Variants in MED27 observed in about 807,000 individuals in gnomAD.
The protein encoded by MED27 is mediator complex subunit 27.
MED27 carries 30 observed loss-of-function variants against 38.2 expected under a neutral mutation model. That is an observed-to-expected ratio of 0.79 (90% confidence interval 0.59 to 1.07). The LOEUF is 1.07. Among genes scored for constraint, MED27 ranks in the 50% least tolerant of loss-of-function variants. MED27 has a pLI of 0.00. For synonymous variants in MED27, 122 were observed against 153.5 expected, an observed-to-expected ratio of 0.79 and a Z score of 1.52; for missense variants, 289 against 397.5, an observed-to-expected ratio of 0.73 and a Z score of 2.32.
chr9:131,867,880 G>A (rs1169330101), intron 6 of MED27, among the ~76,000 whole-genome samples: 1 of 152,242 alleles, frequency 6.6e-6, no homozygotes, highest in Non-Finnish European at 1.5e-5. Context: ...CTGACTCCCA[G>A]GGGTGCCCAC....
At chr9:131,865,411 G>C (rs1838720643) in intron 6 of MED27, among the ~76,000 whole-genome samples, 1 of 152,182 alleles carries the variant, frequency 6.6e-6, no homozygotes, top group Non-Finnish European at 1.5e-5. Flanking sequence ...TTGAACGCTT[G>C]GTTCTTGCCC....
Position 131,913,261 on chromosome 9 carries a change from T to C in MED27, c.574-19269A>G, listed in dbSNP as rs1015124318. On this transcript the variant is annotated intron_variant, in intron 4 of 7. Transcript: ENST00000292035. The surrounding 1 kb of genome is among the most constrained non-coding windows in gnomAD (Gnocchi z 4.5). ...ATCTCTGTGACCTTTTCATGGATAG[T>C]AGCAGAGGTTGATAAAGAAAGACCA... Among the ~76,000 whole-genome samples the C allele has an allele frequency of 2.0e-5, 3 of 152,232 alleles. No individual in the cohort carries two copies. The highest frequency in any genetic ancestry group is 7.2e-5 in the African/African-American group (3 of 41,466).
At chr9:132,075,552 T>C (rs745425557) in intron 2 of MED27, among the ~76,000 whole-genome samples, 1 of 152,186 alleles carries the variant, frequency 6.6e-6, no homozygotes, top group Non-Finnish European at 1.5e-5. Context: ...TTTTCCACTG[T>C]GGGGCAAGGG....
chr9:131,986,072 G>T (rs1273358822), intron 3 of MED27, among the ~76,000 whole-genome samples: 1 of 152,094 alleles, frequency 6.6e-6, no homozygotes, highest in Non-Finnish European at 1.5e-5. Flanking sequence ...TTGTTTTAAG[G>T]TAAACGTCAT....
chr9:131,939,269 A>G (rs1401304572), intron 4 of MED27, 112 bp downstream of exon 4: 1 of 567,376 alleles, frequency 1.8e-6, no homozygotes, highest in African/African-American at 1.9e-5. Flanking sequence ...ATTCACTATC[A>G]AATTGGAATT....
intron 6 of MED27, among the ~76,000 whole-genome samples, chr9:131,875,793 T>G (rs570937505): frequency 4.6e-5 from 7 of 152,314 alleles, no homozygotes; most frequent in African/African-American, 9.6e-5. Flanking sequence ...TTTATTTTTT[T>G]GGGGAGATGG....
rs900672672 is a variant in MED27, at chr9:131,989,707, T to C, written c.479+24630A>G. Among the ~76,000 whole-genome samples, 4 of 152,114 alleles carry C rather than the reference T, an allele frequency of 2.6e-5. No homozygotes were observed. The East Asian group carries it at 5.8e-4, about 22-fold the overall frequency. On this transcript the variant is annotated intron_variant, in intron 3 of 7. Coordinates refer to ENST00000292035, the MANE Select transcript of MED27 (RefSeq NM_004269.4). ...GTAGAGAGAACCATACAATAAACTT[T>C]TGTGAGCCAGCTCCAGCAATTATCC...
At chr9:132,010,938 G>A (rs896884750) in intron 3 of MED27, among the ~76,000 whole-genome samples, 5 of 152,124 alleles carry the variant, frequency 3.3e-5, no homozygotes, top group Non-Finnish European at 4.4e-5. Flanking sequence ...TGTAAATGAC[G>A]AGTTAATGGG....
rs1462453347 is a variant in MED27 at position 132,051,976 on chromosome 9, C to A, written c.348+25466G>T. On this transcript the variant is annotated intron_variant, in intron 2 of 7. Coordinates refer to ENST00000292035, the MANE Select transcript of MED27 (RefSeq NM_004269.4). The surrounding 1 kb of genome is among the most constrained non-coding windows in gnomAD (Gnocchi z 4.2). ...ATGAATAAAACAAAACAACTGTGTT[C>A]CAGGAAAAAGGGCAACAGGAGAAAA... is the stretch of plus-strand genomic sequence containing the variant. Among the ~76,000 whole-genome samples the A allele has an allele frequency of 6.6e-6, 1 of 152,142 alleles. No homozygotes were observed. Among genetic ancestry groups the A allele is most frequent in the African/African-American group, 2.4e-5 (1 of 41,420 alleles).
intron 3 of MED27, 43 bp from the exon 4 acceptor site, chr9:131,939,517 T>C (rs1399431791): frequency 1.6e-6 from 2 of 1,270,458 alleles, no homozygotes; most frequent in African/African-American, 3.0e-5. Flanking sequence ...ACAACTCCAG[T>C]TAAGAGCTAC....
intron 2 of MED27, among the ~76,000 whole-genome samples, chr9:132,029,847 T>C (rs780034424): frequency 7.8e-6 from 1 of 128,354 alleles, no homozygotes; most frequent in Non-Finnish European, 1.6e-5. Flanking sequence ...GTATTACCCT[T>C]GCAAAAAAAA....
chr9:131,974,684 T>C (rs1831566008), intron 3 of MED27, among the ~76,000 whole-genome samples: 1 of 152,212 alleles, frequency 6.6e-6, no homozygotes, highest in Non-Finnish European at 1.5e-5. Flanking sequence ...CTTTGTTCAT[T>C]TGCCTGAAAT....
At chr9:132,005,317 A>C (rs1832335439) in intron 3 of MED27, among the ~76,000 whole-genome samples, 1 of 152,230 alleles carries the variant, frequency 6.6e-6, no homozygotes, top group Admixed American at 6.5e-5. Flanking sequence ...ACAAAAAAGC[A>C]GAAGGAGAAA....
intron 5 of MED27, among the ~76,000 whole-genome samples, chr9:131,891,493 T>A (rs912300628): frequency 6.6e-6 from 1 of 152,176 alleles, no homozygotes; most frequent in Admixed American, 6.5e-5. Flanking sequence ...TAGGAAAATA[T>A]TGCATACTCT....
intron 2 of MED27, among the ~76,000 whole-genome samples, chr9:132,077,023 G>T (rs1007809057): frequency 6.6e-6 from 1 of 152,164 alleles, no homozygotes; most frequent in Non-Finnish European, 1.5e-5. Flanking sequence ...CAGAGGAAAA[G>T]ACAATACAAG....
At chr9:132,031,683 T>C (rs1295590581) in intron 2 of MED27, among the ~76,000 whole-genome samples, 3 of 152,140 alleles carry the variant, frequency 2.0e-5, no homozygotes, top group African/African-American at 4.8e-5. Flanking sequence ...AGGAGTGGCA[T>C]AGCAGAGTTG....
chr9:132,059,232 G>A (rs932860118), intron 2 of MED27, among the ~76,000 whole-genome samples: 6 of 152,166 alleles, frequency 3.9e-5, no homozygotes, highest in African/African-American at 9.7e-5. Context: ...CTTCTAACCC[G>A]AACTTTGGAG....
chr9:131,879,833 A>G (rs1193928028), intron 6 of MED27, among the ~76,000 whole-genome samples: 2 of 152,238 alleles, frequency 1.3e-5, no homozygotes, highest in Admixed American at 6.5e-5. Context: ...AACATCAATC[A>G]TGACACCCCA....
chr9:131,868,799 T>G, intron 6 of MED27: 1 of 985,436 alleles, frequency 1.0e-6, no homozygotes, highest in Non-Finnish European at 1.2e-6. Context: ...CCAGGGCAGG[T>G]AAGTCTTTGG....
Sources: allele counts gnomAD v4.1 joint callset (sites outside exome capture counted in the v4.1 genomes callset), GRCh38; gene constraint gnomAD v4.1.1; non-coding constraint Gnocchi (gnomAD v3.1); transcripts MANE v1.5; gene names NCBI Gene and HGNC (gene_info 2026-07-23, HGNC 2026-07-21).